Variants in IL17B observed in about 807,000 individuals in gnomAD.
IL17B encodes the protein interleukin 17B.
A neutral mutation model predicts 14.7 loss-of-function variants in IL17B; 14 were observed. The observed-to-expected ratio is 0.95, with a 90% CI of 0.63 to 1.49. The LOEUF (loss-of-function observed/expected upper bound fraction) is 1.49, where lower values mean the gene tolerates loss of function less well. Among genes scored for constraint, IL17B ranks in the 40% most tolerant of loss-of-function variants. IL17B has a pLI of 0.00. For synonymous variants in IL17B, 105 were observed against 94.8 expected (o/e 1.11, Z -0.62); for missense variants, 233 against 252.8 (o/e 0.92, Z 0.53).
rs1416840097 is a variant in IL17B, at chr5:149,374,724, C to T, written c.312-124G>A. The stretch of plus-strand genomic sequence containing the variant: ...ATTTCCACAGCAAGACTGTGTTGGG[C>T]TGGAGGAAAGGCAGTAATCAACTCC... On this transcript the variant is annotated intron_variant, in intron 2 of 2. Coordinates refer to ENST00000261796, the MANE Select transcript of IL17B (RefSeq NM_014443.3). This position sits in a 1 kb window ranked among gnomAD's most constrained non-coding sequence, Gnocchi z 5.0. 7.0e-6 allele frequency: 5 copies of T among 717,694 alleles called. No homozygotes were observed. Among genetic ancestry groups the T allele is most frequent in the Non-Finnish European group, 1.1e-5 (5 of 446,700 alleles). The allele number at this position is 717,694 out of a possible 1,614,324, so 44.5% of individuals were successfully genotyped here. A position where few individuals can be genotyped will look rare whatever the true frequency, so the allele number is the denominator to read the frequency against.
chr5:149,387,313 G>A (rs1455050947), intron 1 of IL17B, among the ~76,000 whole-genome samples: 1 of 152,216 alleles, frequency 6.6e-6, no homozygotes, highest in Non-Finnish European at 1.5e-5. Context: ...TCCAAAGTCT[G>A]GTTCCCAGGA....
At chr5:149,399,852 A>G (rs394562) in intron 1 of IL17B, among the ~76,000 whole-genome samples, 17,665 of 152,088 alleles carry the variant, frequency 0.12, 1,400 homozygotes, top group East Asian at 0.22. Context: ...AGGATGTTGG[A>G]TTTAGGTCAG....
intron 1 of IL17B, among the ~76,000 whole-genome samples, chr5:149,402,711 A>G (rs1402219780): frequency 6.7e-6 from 1 of 149,052 alleles, no homozygotes; most frequent in South Asian, 2.1e-4. Flanking sequence ...AAAAAAAAGA[A>G]CAAAAACTCG....
chr5:149,393,355 G>A (rs535848424), intron 1 of IL17B, among the ~76,000 whole-genome samples: 55 of 152,098 alleles, frequency 3.6e-4, no homozygotes, highest in African/African-American at 1.2e-3. Flanking sequence ...CTGTGGCTCC[G>A]TACAAATTAG....
intron 1 of IL17B, among the ~76,000 whole-genome samples, chr5:149,396,343 A>T (rs1581396302): frequency 6.6e-6 from 1 of 152,184 alleles, no homozygotes; most frequent in African/African-American, 2.4e-5. Flanking sequence ...GATCTTTTTT[A>T]AAAAAACAGT....
At chr5:149,403,147 C>T (rs977421216) in intron 1 of IL17B, among the ~76,000 whole-genome samples, 1 of 151,536 alleles carries the variant, frequency 6.6e-6, no homozygotes, top group Admixed American at 6.6e-5. Flanking sequence ...TGCAGTGATG[C>T]AATCTCGGCT....
At chr5:149,376,566 A>G (rs1232290720) in intron 2 of IL17B, among the ~76,000 whole-genome samples, 170 bp downstream of exon 2, 2 of 152,254 alleles carry the variant, frequency 1.3e-5, no homozygotes, top group African/African-American at 4.8e-5. Context: ...ACTGAGGCCC[A>G]GAAAGGCTAA....
chr5:149,394,879 CTTTTA>C (rs1759059588), intron 1 of IL17B, among the ~76,000 whole-genome samples: 1 of 151,816 alleles, frequency 6.6e-6, no homozygotes, highest in African/African-American at 2.4e-5. Context: ...TTTTTTTTAA[CTTTTA>C]TTTTAGGTTT....
chr5:149,397,211 T>G (rs534078895), intron 1 of IL17B, among the ~76,000 whole-genome samples: 38 of 152,290 alleles, frequency 2.5e-4, no homozygotes, highest in African/African-American at 8.7e-4. Flanking sequence ...GCTCTTTCAC[T>G]CAGGCTGGAG....
At chr5:149,376,665 C>A in intron 2 of IL17B, 71 bp downstream of exon 2, 1 of 1,524,742 alleles carries the variant, frequency 6.6e-7, no homozygotes, top group South Asian at 1.3e-5. Context: ...AGATCTTAAC[C>A]ATTACAATGA....
intron 1 of IL17B, among the ~76,000 whole-genome samples, chr5:149,390,759 C>A (rs1187205028): frequency 6.6e-6 from 1 of 151,826 alleles, no homozygotes; most frequent in East Asian, 1.9e-4. Context: ...CTATTTTTAC[C>A]TCTGTCTTTT....
At chr5:149,390,714 G>A (rs1758931235) in intron 1 of IL17B, among the ~76,000 whole-genome samples, 1 of 151,780 alleles carries the variant, frequency 6.6e-6, no homozygotes, top group Non-Finnish European at 1.5e-5. Flanking sequence ...CCAAAGTAGG[G>A]TGTCATTTGA....
At chr5:149,389,338 A>G (rs924705810) in intron 1 of IL17B, among the ~76,000 whole-genome samples, 20 of 152,268 alleles carry the variant, frequency 1.3e-4, no homozygotes, top group Admixed American at 1.3e-3. Flanking sequence ...CCAAAGAAGG[A>G]AGATCAAATT....
chr5:149,400,907 CT>C (rs1409741371), intron 1 of IL17B, among the ~76,000 whole-genome samples: 2 of 152,178 alleles, frequency 1.3e-5, no homozygotes, highest in African/African-American at 4.8e-5. Context: ...GAATTCACCC[CT>C]CCTCCACCCT....
chr5:149,380,326 A>G (rs1359077439), upstream of IL17B, among the ~76,000 whole-genome samples: 1 of 152,250 alleles, frequency 6.6e-6, no homozygotes. Flanking sequence ...TAAGTGCTCA[A>G]TAAACACTTA....
intron 1 of IL17B, among the ~76,000 whole-genome samples, chr5:149,390,974 GTGTTT>G (rs1261302519): frequency 2.6e-5 from 4 of 151,968 alleles, no homozygotes; most frequent in Non-Finnish European, 4.4e-5. Flanking sequence ...TTTTTCCTTT[GTGTTT>G]TGTTTTGTTT....
intron 1 of IL17B, among the ~76,000 whole-genome samples, chr5:149,377,455 C>T (rs1241837868): frequency 6.6e-6 from 1 of 152,214 alleles, no homozygotes; most frequent in Non-Finnish European, 1.5e-5. Flanking sequence ...CTGCCCCCAA[C>T]TCAGCATGGA....
chr5:149,390,586 A>AGC (rs1443129940), intron 1 of IL17B, among the ~76,000 whole-genome samples: 206 of 46,802 alleles, frequency 4.4e-3, no homozygotes, highest in African/African-American at 8.1e-3. Flanking sequence ...TCCCTGAGTT[A>AGC]GCACACACAC....
intron 1 of IL17B, among the ~76,000 whole-genome samples, chr5:149,387,057 A>G (rs1561714874): frequency 6.6e-6 from 1 of 152,150 alleles, no homozygotes. Context: ...CAGTATCGAT[A>G]TTTTAGGACC....
Sources: allele counts gnomAD v4.1 joint callset (sites outside exome capture counted in the v4.1 genomes callset), GRCh38; gene constraint gnomAD v4.1.1; non-coding constraint Gnocchi (gnomAD v3.1); transcripts MANE v1.5; gene names NCBI Gene and HGNC (gene_info 2026-07-23, HGNC 2026-07-21).